The following RFX3 variants were observed in gnomAD, a reference collection of about 807,000 sequenced individuals.
RFX3 encodes the protein regulatory factor X3.
RFX3 carries 14 observed loss-of-function variants against 98.6 expected under a neutral mutation model. The ratio of observed to expected loss-of-function variants is 0.14; its 90% confidence interval spans 0.09 to 0.22. The LOEUF is 0.22. RFX3 is among the 10% of genes least tolerant of loss of function. The pLI is 1.00. For missense variants in RFX3, 639 were observed against 926.9 expected (o/e 0.69, Z 4.03); for synonymous variants, 383 against 328.4 (o/e 1.17, Z -1.80).
intron 14 of RFX3, among the ~76,000 whole-genome samples, chr9:3,255,963 ATCTC>A (rs757980667): frequency 6.6e-6 from 1 of 151,650 alleles, no homozygotes; most frequent in Non-Finnish European, 1.5e-5. Flanking sequence ...CCTAATCATT[ATCTC>A]TCTCTTTTTT....
At chr9:3,373,541 C>T (rs775157335) in intron 2 of RFX3, among the ~76,000 whole-genome samples, 2 of 152,172 alleles carry the variant, frequency 1.3e-5, no homozygotes, top group African/African-American at 4.8e-5. Flanking sequence ...GCCTCAGTTT[C>T]CTCAGCCTTA....
intron 1 of RFX3, among the ~76,000 whole-genome samples, chr9:3,474,152 A>G (rs1849018047): frequency 6.6e-6 from 1 of 152,220 alleles, no homozygotes; most frequent in East Asian, 1.9e-4. Flanking sequence ...AAAGAAATAA[A>G]GCATAAACTG....
intron 3 of RFX3, among the ~76,000 whole-genome samples, chr9:3,343,364 C>T (rs567858884): frequency 2.0e-5 from 3 of 152,060 alleles, no homozygotes; most frequent in South Asian, 4.2e-4. Context: ...AGTGGGACTC[C>T]GACTGTGATC....
At chr9:3,402,264 C>T (rs574952919) in intron 1 of RFX3, among the ~76,000 whole-genome samples, 2 of 152,252 alleles carry the variant, frequency 1.3e-5, no homozygotes, top group African/African-American at 4.8e-5. Flanking sequence ...GGTTCCACTA[C>T]ACTTACTGTA....
intron 1 of RFX3, among the ~76,000 whole-genome samples, chr9:3,462,728 G>T (rs567460338): frequency 6.6e-6 from 1 of 152,146 alleles, no homozygotes. Context: ...TAGAAAAAGT[G>T]TACCATACTT....
At chr9:3,323,185 T>A (rs1040788899) in intron 4 of RFX3, among the ~76,000 whole-genome samples, 2 of 152,150 alleles carry the variant, frequency 1.3e-5, no homozygotes, top group Non-Finnish European at 2.9e-5. Context: ...ATCACATGCT[T>A]TGGGGGATGA....
At chr9:3,255,707 G>A (rs998796827) in intron 14 of RFX3, among the ~76,000 whole-genome samples, 2 of 152,120 alleles carry the variant, frequency 1.3e-5, no homozygotes, top group African/African-American at 2.4e-5. Flanking sequence ...CATAAATGCT[G>A]TTTTTAATCT....
At chr9:3,247,456 C>A in intron 15 of RFX3, 1 of 674,072 alleles carries the variant, frequency 1.5e-6, no homozygotes, top group Non-Finnish European at 1.9e-6. Flanking sequence ...TCTGCATAAA[C>A]CTCGGATGCT....
rs1483631451 is a variant in RFX3 at position 3,351,026 on chromosome 9, T to C, written c.118-4262A>G. On this transcript the variant is annotated intron_variant, in intron 2 of 16. Transcript: ENST00000617270. The stretch of plus-strand genomic sequence containing the variant: ...ATACTGTAATGGTGGATACATGTCA[T>C]TATACATTTGTTCAAAACCATAGAA... Among the ~76,000 whole-genome samples the C allele has an allele frequency of 2.0e-5, 3 of 152,162 alleles. No homozygotes were observed. The East Asian group carries it at 5.8e-4, about 29-fold the overall frequency.
In RFX3 at chr9:3,375,710, C is replaced by T. The variant is rs1016555085; in HGVS notation, c.117+19762G>A. Among the ~76,000 whole-genome samples, 7 of 152,250 alleles carry T rather than the reference C, an allele frequency of 4.6e-5. No homozygotes were observed. The South Asian group carries it at 1.2e-3, about 27-fold the overall frequency. ...GCATGGTGGCTCACACCTGTAATCC[C>T]AGCACCTTGGGAGGCCAAGGCGGGT... On this transcript the variant is annotated intron_variant, in intron 2 of 16. Coordinates refer to ENST00000617270, the MANE Select transcript of RFX3 (RefSeq NM_001282116.2).
intron 1 of RFX3, among the ~76,000 whole-genome samples, chr9:3,509,427 A>T (rs1189310860): frequency 3.9e-5 from 6 of 151,982 alleles, no homozygotes; most frequent in Non-Finnish European, 2.9e-5. Flanking sequence ...GCATACCAGG[A>T]CTGAAAATTA....
Position 3,421,170 on chromosome 9 carries a change from A to G in RFX3, c.-8-25574T>C, listed in dbSNP as rs575294917. ...ACTATCTAAGCCACAATCAACAGCAAAATAAGATATTAATGAACCTCTAAA... is the reference window on the plus strand; with the variant it reads ...ACTATCTAAGCCACAATCAACAGCAGAATAAGATATTAATGAACCTCTAAA... On this transcript the variant is annotated intron_variant, in intron 1 of 16. Transcript: ENST00000617270. 1.3e-4 allele frequency among the ~76,000 whole-genome samples: 20 copies of G among 152,304 alleles called. No individual in the cohort carries two copies. In the East Asian group the frequency reaches 3.9e-3, roughly 29 times the overall value.
chr9:3,312,770 G>A (rs1830113562), intron 4 of RFX3, among the ~76,000 whole-genome samples: 1 of 152,306 alleles, frequency 6.6e-6, no homozygotes, highest in East Asian at 1.9e-4. Flanking sequence ...CTCACTGCTA[G>A]CACACCAGTC....
At chr9:3,368,202 G>C (rs1337535420) in intron 2 of RFX3, among the ~76,000 whole-genome samples, 1 of 151,978 alleles carries the variant, frequency 6.6e-6, no homozygotes, top group African/African-American at 2.4e-5. Flanking sequence ...AAGCAGTTTA[G>C]AGAAATCCAA....
chr9:3,474,440 T>A (rs12005503), intron 1 of RFX3, among the ~76,000 whole-genome samples: 1,937 of 152,304 alleles, frequency 0.013, 34 homozygotes, highest in African/African-American at 0.044. Flanking sequence ...TCAAAGTTCC[T>A]TTACCTACAC....
rs372391192 is a variant in RFX3 at position 3,499,402 on chromosome 9, T to C, written c.-9+26345A>G. Among the ~76,000 whole-genome samples the C allele has an allele frequency of 6.8e-4, 104 of 152,150 alleles. 3 individuals carry two copies. The East Asian group carries it at 0.011, about 17-fold the overall frequency. On this transcript the variant is annotated intron_variant, in intron 1 of 16. Transcript: ENST00000617270. ...CATTTCATTATAAAAACAGATTTTT[T>C]TCATCACTTTTGGACAGTAATAATT...
At chr9:3,264,930 G>T (rs1158437559) in intron 12 of RFX3, among the ~76,000 whole-genome samples, 1 of 152,170 alleles carries the variant, frequency 6.6e-6, no homozygotes, top group Non-Finnish European at 1.5e-5. Flanking sequence ...AGTGCTTTTA[G>T]CTGTTTGAGG....
In RFX3 at chr9:3,293,263, G is replaced by A. The variant is rs1827603897; in HGVS notation, c.550-5C>T. 1.3e-6 allele frequency: 2 copies of A among 1,585,922 alleles called. No individual in the cohort carries two copies. The highest frequency in any genetic ancestry group is 1.4e-5 in the African/African-American group (1 of 73,510). On this transcript the variant is annotated splice_polypyrimidine_tract_variant and splice_region_variant and intron_variant, in intron 5 of 16. Coordinates refer to ENST00000617270, the MANE Select transcript of RFX3 (RefSeq NM_001282116.2). ...ATTGTCCAACAGCCACTGGAGCTAG[G>A]GAAATAAGACACAATAAACACAGAC...
intron 4 of RFX3, among the ~76,000 whole-genome samples, chr9:3,304,455 G>C (rs1412112826): frequency 6.6e-6 from 1 of 151,826 alleles, no homozygotes; most frequent in African/African-American, 2.4e-5. Flanking sequence ...TATACACATG[G>C]TCATATATAT....
Sources: allele counts gnomAD v4.1 joint callset (sites outside exome capture counted in the v4.1 genomes callset), GRCh38; gene constraint gnomAD v4.1.1; transcripts MANE v1.5; gene names NCBI Gene and HGNC (gene_info 2026-07-23, HGNC 2026-07-21).